USP25: variants seen among roughly 807,000 people sequenced by gnomAD.
The protein encoded by USP25 is ubiquitin carboxyl-terminal hydrolase 25.
USP25 carries 85 observed loss-of-function variants against 158.5 expected under a neutral mutation model. That is an observed-to-expected ratio of 0.54 (90% CI 0.45 to 0.64). The LOEUF is 0.64. Among genes scored for constraint, USP25 ranks in the 30% least tolerant of loss-of-function variants. The probability of loss-of-function intolerance (pLI) is 0.00; values close to 1 mark genes in which losing one functional copy is unlikely to be tolerated. For synonymous variants in USP25, 464 were observed against 460.4 expected (o/e 1.01, Z -0.10); for missense variants, 1,242 against 1,327.3 (o/e 0.94, Z 1.00).
chr21:15,834,408 A>G (rs777302006), intron 17 of USP25, among the ~76,000 whole-genome samples: 20 of 152,168 alleles, frequency 1.3e-4, no homozygotes, highest in Non-Finnish European at 2.4e-4. Context: ...GTCTCTTTTT[A>G]TAACTGCTAG....
rs2034873419 is a variant in USP25 at position 15,779,976 on chromosome 21, G to A, written c.392+1949G>A. Among the ~76,000 whole-genome samples, 3 of 152,002 alleles carry A rather than the reference G, an allele frequency of 2.0e-5. No individual in the cohort carries two copies. The South Asian group carries it at 6.2e-4, about 32-fold the overall frequency. ...ATATTGTATTAGGAAAAGAGGATGTGGAGAGTTCTAGCTAAACATTATCAG... is the reference window on the plus strand; with the variant it reads ...ATATTGTATTAGGAAAAGAGGATGTAGAGAGTTCTAGCTAAACATTATCAG... On this transcript the variant is annotated intron_variant, in intron 4 of 25. Transcript: ENST00000400183.
intron 4 of USP25, among the ~76,000 whole-genome samples, chr21:15,781,541 C>T (rs556960944): frequency 5.9e-5 from 9 of 152,208 alleles, no homozygotes; most frequent in African/African-American, 2.2e-4. Context: ...ACCAAAACAA[C>T]GAATAAGTTT....
chr21:15,855,062 C>T (rs1352791140), intron 20 of USP25, among the ~76,000 whole-genome samples: 9 of 152,004 alleles, frequency 5.9e-5, no homozygotes, highest in Admixed American at 5.2e-4. Context: ...TCAAAGTACT[C>T]GTTGCTTGTA....
intron 1 of USP25, chr21:15,744,933 C>G (rs1018924909): frequency 2.5e-4 from 38 of 152,382 alleles, no homozygotes; most frequent in African/African-American, 8.9e-4. Flanking sequence ...CCAAGCATTT[C>G]TTGCATGAGC....
At chr21:15,804,877 A>G (rs1307921687) in intron 6 of USP25, among the ~76,000 whole-genome samples, 2 of 152,136 alleles carry the variant, frequency 1.3e-5, no homozygotes, top group African/African-American at 4.8e-5. Context: ...TGCTGTGAAT[A>G]TGTGGCATTC....
intron 3 of USP25, 52 bp from the exon 4 acceptor site, chr21:15,777,852 C>A: frequency 6.6e-7 from 1 of 1,504,576 alleles, no homozygotes; most frequent in Non-Finnish European, 8.9e-7. Flanking sequence ...TAATAAAAAT[C>A]CTTTCATTTT....
intron 16 of USP25, among the ~76,000 whole-genome samples, chr21:15,832,805 T>C (rs1032857554): frequency 2.0e-5 from 3 of 151,526 alleles, no homozygotes; most frequent in Non-Finnish European, 2.9e-5. Context: ...GATCATGAGG[T>C]CAGGAGATCG....
chr21:15,840,892 A>G (rs141275306), intron 17 of USP25, among the ~76,000 whole-genome samples: 25 of 152,314 alleles, frequency 1.6e-4, no homozygotes, highest in African/African-American at 5.8e-4. Context: ...GAAAAGTTTT[A>G]TCAACAAGGA....
intron 21 of USP25, among the ~76,000 whole-genome samples, 195 bp downstream of exon 21, chr21:15,864,641 T>TA (rs1382441012): frequency 6.6e-6 from 1 of 152,188 alleles, no homozygotes; most frequent in African/African-American, 2.4e-5. Flanking sequence ...GAAAATAACT[T>TA]AGATCATTTT....
At chr21:15,744,105 A>G (rs2032313118) in intron 1 of USP25, 1 of 154,270 alleles carries the variant, frequency 6.5e-6, no homozygotes, top group Non-Finnish European at 1.5e-5. Flanking sequence ...AAAGCAGCAT[A>G]TAAGATGACC....
chr21:15,734,344 C>A (rs974990520), intron 1 of USP25, among the ~76,000 whole-genome samples: 9 of 152,162 alleles, frequency 5.9e-5, no homozygotes, highest in African/African-American at 2.2e-4. Context: ...CTATACCATG[C>A]AGCATTTGAT....
intron 1 of USP25, among the ~76,000 whole-genome samples, chr21:15,744,491 A>G (rs143870816): frequency 5.3e-5 from 8 of 151,950 alleles, no homozygotes; most frequent in Non-Finnish European, 1.2e-4. Context: ...AGGCCTGGCT[A>G]ATTTTTATGA....
intron 3 of USP25, among the ~76,000 whole-genome samples, chr21:15,771,184 A>C (rs1223804578): frequency 6.6e-6 from 1 of 152,208 alleles, no homozygotes; most frequent in Non-Finnish European, 1.5e-5. Context: ...CAGTAAACAA[A>C]CAGTATCAGA....
chr21:15,830,502 A>T, intron 14 of USP25, 29 bp from the exon 15 acceptor site: 1 of 1,560,982 alleles, frequency 6.4e-7, no homozygotes, highest in African/African-American at 1.4e-5. Context: ...ATTTGCTGTT[A>T]ATCATTAAAT....
intron 4 of USP25, among the ~76,000 whole-genome samples, chr21:15,788,136 A>C (rs2035396952): frequency 6.6e-6 from 1 of 151,594 alleles, no homozygotes; most frequent in Non-Finnish European, 1.5e-5. Flanking sequence ...TACCCTTCAA[A>C]CATTTTGTTA....
At chr21:15,845,812 T>C (rs532615988) in intron 18 of USP25, among the ~76,000 whole-genome samples, 5 of 152,256 alleles carry the variant, frequency 3.3e-5, no homozygotes, top group Admixed American at 6.5e-5. Flanking sequence ...TCGTCTCTTA[T>C]ATGCTAGAAA....
intron 20 of USP25, among the ~76,000 whole-genome samples, chr21:15,862,328 T>C (rs2039460945): frequency 6.6e-6 from 1 of 152,076 alleles, no homozygotes; most frequent in Non-Finnish European, 1.5e-5. Context: ...TCATGGATTT[T>C]GGATTTTTGG....
At chr21:15,744,157 G>GT (rs2032318732) in intron 1 of USP25, 1 of 152,822 alleles carries the variant, frequency 6.5e-6, no homozygotes, top group East Asian at 1.9e-4. Context: ...GTGGGTAGGG[G>GT]TTTCAGGCCT....
intron 4 of USP25, among the ~76,000 whole-genome samples, chr21:15,778,262 A>G (rs2123503646): frequency 6.6e-6 from 1 of 152,206 alleles, no homozygotes; most frequent in African/African-American, 2.4e-5. Context: ...ATTTAGGTGC[A>G]TATTTTAATA....
Sources: allele counts gnomAD v4.1 joint callset (sites outside exome capture counted in the v4.1 genomes callset), GRCh38; gene constraint gnomAD v4.1.1; transcripts MANE v1.5; gene names NCBI Gene and HGNC (gene_info 2026-07-23, HGNC 2026-07-21).